ATP5MJ: variants seen among roughly 807,000 people sequenced by gnomAD.
ATP5MJ encodes the protein ATP synthase F(0) complex subunit j, mitochondrial.
A neutral mutation model predicts 8.3 loss-of-function variants in ATP5MJ; 4 were observed. The ratio of observed to expected loss-of-function variants is 0.48; its 90% CI spans 0.24 to 1.11. ATP5MJ has a LOEUF of 1.11. Among genes scored for constraint, ATP5MJ ranks in the 50% least tolerant of loss-of-function variants. ATP5MJ has a pLI of 0.18. For missense variants in ATP5MJ, 66 were observed against 71.8 expected, an observed-to-expected ratio of 0.92 and a Z score of 0.29; for synonymous variants, 23 against 21.3, an observed-to-expected ratio of 1.08 and a Z score of -0.23.
At chr14:103,921,026 G>T (rs2087674053) in intron 1 of ATP5MJ, 1 of 1,551,602 alleles carries the variant, frequency 6.4e-7, no homozygotes. Context: ...CTTCCCTGTT[G>T]CCTCACCCAA....
chr14:103,915,396 G>C (rs1343467900), intron 1 of ATP5MJ, among the ~76,000 whole-genome samples: 2 of 152,038 alleles, frequency 1.3e-5, no homozygotes. Flanking sequence ...ACCCAGGCTG[G>C]AGTGCAGTGG....
chr14:103,916,043 T>C (rs1480064257), intron 1 of ATP5MJ, among the ~76,000 whole-genome samples: 1 of 152,196 alleles, frequency 6.6e-6, no homozygotes, highest in Non-Finnish European at 1.5e-5. Context: ...GTGATTTCCT[T>C]GTGAAACTAA....
At chr14:103,920,129 C>CT (rs74373978) in intron 1 of ATP5MJ, among the ~76,000 whole-genome samples, 2,812 of 121,452 alleles carry the variant, frequency 0.023, 91 homozygotes, top group African/African-American at 0.074. Flanking sequence ...CCGGCCCCTA[C>CT]TTTTTTTTTT....
At chr14:103,921,359 G>T (rs373006409) in intron 1 of ATP5MJ, 111 bp downstream of exon 1, 9 of 283,084 alleles carry the variant, frequency 3.2e-5, no homozygotes, top group East Asian at 7.7e-5. Flanking sequence ...AAGCAGGCGC[G>T]TGCCGGCGGA....
intron 1 of ATP5MJ, chr14:103,920,969 C>A (rs1207873277): frequency 1.3e-6 from 2 of 1,551,538 alleles, no homozygotes; most frequent in African/African-American, 2.7e-5. Flanking sequence ...ATGTCTGACC[C>A]GCGAGTTCCA....
chr14:103,914,617 A>G, intron 2 of ATP5MJ: 1 of 621,346 alleles, frequency 1.6e-6, no homozygotes, highest in Non-Finnish European at 2.9e-6. Flanking sequence ...CCTGGGTAAC[A>G]TGGCAAAACC....
intron 1 of ATP5MJ, among the ~76,000 whole-genome samples, chr14:103,918,389 T>C (rs2087642546): frequency 6.6e-6 from 1 of 151,510 alleles, no homozygotes; most frequent in African/African-American, 2.4e-5. Flanking sequence ...TGAGACGGAG[T>C]CTCGCTCTGT....
intron 1 of ATP5MJ, among the ~76,000 whole-genome samples, chr14:103,918,651 G>C (rs112499808): frequency 0.11 from 16,637 of 152,040 alleles, 2,102 homozygotes; most frequent in African/African-American, 0.31. Flanking sequence ...TGGGCCACCA[G>C]GCTCAACCCA....
chr14:103,913,726 A>AC lies in ATP5MJ; in HGVS notation c.148+234_148+235insG, dbSNP rs1595877112. On this transcript the variant is annotated intron_variant, in intron 3 of 3. Coordinates refer to ENST00000286953, the MANE Select transcript of ATP5MJ (RefSeq NM_004894.3). Reference sequence around the variant, plus strand: ...GATATCGACTACCTCTAATTAATCCATTCCTCTATTACTCCTGGAAGTTTT... The same window carrying AC: ...GATATCGACTACCTCTAATTAATCCACTTCCTCTATTACTCCTGGAAGTTTT... 26 of 585,002 alleles carry AC rather than the reference A, an allele frequency of 4.4e-5. No individual in the cohort carries two copies. The East Asian group carries it at 7.4e-4, about 17-fold the overall frequency. The allele number at this position is 585,002 out of a possible 1,614,324, so 36.2% of individuals were successfully genotyped here. A position where few individuals can be genotyped will look rare whatever the true frequency, so the allele number is the denominator to read the frequency against.
At chr14:103,913,873 T>C (rs2087601700) in intron 3 of ATP5MJ, 88 bp downstream of exon 3, 5 of 1,485,014 alleles carry the variant, frequency 3.4e-6, no homozygotes, top group Non-Finnish European at 3.7e-6. Context: ...TGTGTTTCGA[T>C]TTCAATTGAG....
intron 3 of ATP5MJ, chr14:103,913,476 C>T (rs936062475): frequency 1.4e-4 from 25 of 182,678 alleles, no homozygotes; most frequent in East Asian, 5.5e-4. Flanking sequence ...CCAGGCGTGG[C>T]GGCAGGTGCC....
intron 1 of ATP5MJ, among the ~76,000 whole-genome samples, chr14:103,919,624 C>T (rs182352529): frequency 5.9e-5 from 9 of 152,008 alleles, no homozygotes; most frequent in African/African-American, 2.2e-4. Context: ...TAAGAAGGGA[C>T]TAAAGAAACT....
chr14:103,912,482 G>C lies in ATP5MJ; in HGVS notation c.*184C>G. ...ATGCCTGACACGCCGGAGGGGCTGA[G>C]GGGGAACACACTGAAAGCAGTACCA... On this transcript the variant is annotated 3_prime_UTR_variant, in exon 4 of 4. Transcript: ENST00000286953. 1.5e-6 allele frequency: 1 copy of C among 665,840 alleles called. No homozygotes were observed. Among genetic ancestry groups the C allele is most frequent in the Middle Eastern group, 2.6e-4 (1 of 3,912 alleles). The allele number at this position is 665,840 out of a possible 1,614,324, so 41.2% of individuals were successfully genotyped here.
intron 1 of ATP5MJ, among the ~76,000 whole-genome samples, chr14:103,918,611 C>T (rs1035966800): frequency 9.9e-5 from 15 of 152,014 alleles, no homozygotes; most frequent in African/African-American, 3.1e-4. Context: ...CTGCCCGCCT[C>T]GGCCTCCCAA....
In ATP5MJ at chr14:103,912,646, T is replaced by G; in HGVS notation, c.*20A>C. On this transcript the variant is annotated 3_prime_UTR_variant, in exon 4 of 4. Transcript: ENST00000286953. Reference sequence around the variant, plus strand: ...AGGCAGACTGACGTTTTCTTTCACATGTACTCCAAGTAAATCTGGTTAGTG... The same window carrying G: ...AGGCAGACTGACGTTTTCTTTCACAGGTACTCCAAGTAAATCTGGTTAGTG... 3 of 1,613,512 alleles carry G rather than the reference T, an allele frequency of 1.9e-6. No homozygotes were observed. The highest frequency in any genetic ancestry group is 1.1e-5 in the South Asian group (1 of 91,062).
intron 3 of ATP5MJ, 86 bp downstream of exon 3, chr14:103,913,875 T>C: frequency 6.7e-7 from 1 of 1,490,018 alleles, no homozygotes. Context: ...TGTTTCGATT[T>C]CAATTGAGAA....
rs1341623834 is a variant in ATP5MJ at position 103,921,452 on chromosome 14, C to G, written c.-1+18G>C. The G allele has an allele frequency of 3.1e-5, 7 of 223,696 alleles. No individual in the cohort carries two copies. Among genetic ancestry groups the G allele is most frequent in the Non-Finnish European group, 4.6e-5 (5 of 109,198 alleles). The allele number at this position is 223,696 out of a possible 1,614,324, so 13.9% of individuals were successfully genotyped here. A position where few individuals can be genotyped will look rare whatever the true frequency, so the allele number is the denominator to read the frequency against. ...CCGTCTCGCACCTCGGGAGCCAGGT[C>G]CAGGTCCCCGTACTCACCTTGGCGC... On this transcript the variant is annotated intron_variant, in intron 1 of 3. Coordinates refer to ENST00000286953, the MANE Select transcript of ATP5MJ (RefSeq NM_004894.3).
At chr14:103,913,589 C>G in intron 3 of ATP5MJ, 1 of 339,380 alleles carries the variant, frequency 2.9e-6, no homozygotes, top group Non-Finnish European at 5.3e-6. Context: ...CCAGCCTGGG[C>G]GACAGAGCGA....
At chr14:103,913,738 C>T in intron 3 of ATP5MJ, 1 of 597,324 alleles carries the variant, frequency 1.7e-6, no homozygotes, top group Non-Finnish European at 3.0e-6. Context: ...TCCTCTATTA[C>T]TCCTGGAAGT....
Sources: gnomAD v4.1 joint callset for allele counts (sites outside exome capture counted in the v4.1 genomes callset) on GRCh38, gnomAD v4.1.1 for gene constraint, MANE v1.5 for transcripts, NCBI Gene and HGNC (gene_info 2026-07-23, HGNC 2026-07-21) for gene names.